Variants in HFM1 observed in about 807,000 individuals in gnomAD.
The protein encoded by HFM1 is helicase for meiosis 1.
A neutral mutation model predicts 192.1 loss-of-function variants in HFM1; 169 were observed. That is an observed-to-expected ratio of 0.88 (90% confidence interval 0.78 to 1.00). The LOEUF (loss-of-function observed/expected upper bound fraction) is 1.00, where lower values mean the gene tolerates loss of function less well. Ranked by LOEUF, HFM1 falls within the 50% of genes least tolerant of loss-of-function variation. HFM1 has a pLI of 0.00. For synonymous variants in HFM1, 525 were observed against 537.8 expected (o/e 0.98, Z 0.33); for missense variants, 1,661 against 1,668.0 (o/e 1.00, Z 0.07).
chr1:91,297,283 A>C (rs1647795210), intron 30 of HFM1, among the ~76,000 whole-genome samples: 1 of 152,192 alleles, frequency 6.6e-6, no homozygotes, highest in East Asian at 1.9e-4. Flanking sequence ...TAGGTAAACA[A>C]AGCAGCCGGG....
At chr1:91,297,944 T>A (rs1028713403) in intron 30 of HFM1, among the ~76,000 whole-genome samples, 5 of 152,278 alleles carry the variant, frequency 3.3e-5, no homozygotes, top group African/African-American at 1.2e-4. Context: ...GGACGGAGAA[T>A]GACTTTGATG....
chr1:91,360,517 C>T (rs1039513013), intron 13 of HFM1, among the ~76,000 whole-genome samples: 2 of 152,068 alleles, frequency 1.3e-5, no homozygotes. Context: ...ATATATGCAC[C>T]CAATACAGGA....
chr1:91,350,506 A>G (rs1240098869), intron 18 of HFM1, among the ~76,000 whole-genome samples: 2 of 152,138 alleles, frequency 1.3e-5, no homozygotes, highest in Non-Finnish European at 2.9e-5. Context: ...TTTTTCTACT[A>G]GATCTATTTT....
chr1:91,386,932 T>C (rs1350524693), intron 4 of HFM1, among the ~76,000 whole-genome samples: 5 of 152,160 alleles, frequency 3.3e-5, no homozygotes, highest in Non-Finnish European at 7.3e-5. Context: ...GATTAAATCA[T>C]CCCAAACACT....
chr1:91,374,654 G>C (rs1660686673), intron 13 of HFM1, among the ~76,000 whole-genome samples: 1 of 152,124 alleles, frequency 6.6e-6, no homozygotes, highest in South Asian at 2.1e-4. Context: ...CACTGGAGAA[G>C]GAGCTGGTCT....
chr1:91,292,058 A>C (rs1475443407), intron 30 of HFM1, among the ~76,000 whole-genome samples: 1 of 152,124 alleles, frequency 6.6e-6, no homozygotes, highest in East Asian at 1.9e-4. Context: ...ATCTCAAAAT[A>C]ATAACAGCTA....
rs1418821594 is a variant in HFM1 at position 91,260,964 on chromosome 1, A to G, written c.*326T>C. ...TTTTCTTCTTGTTAAGAAAATATAA[A>G]AATGAAATTTTACATTGGTTCTTGT... On this transcript the variant is annotated 3_prime_UTR_variant, in exon 39 of 39. Transcript: ENST00000370425. 1.2e-5 allele frequency: 2 copies of G among 168,848 alleles called. No homozygotes were observed. Among genetic ancestry groups the G allele is most frequent in the African/African-American group, 4.7e-5 (2 of 42,294 alleles). The allele number at this position is 168,848 out of a possible 1,614,324, so 10.5% of individuals were successfully genotyped here.
At chr1:91,347,252 CA>C (rs1385514828) in intron 19 of HFM1, among the ~76,000 whole-genome samples, 176 bp downstream of exon 19, 2 of 152,058 alleles carry the variant, frequency 1.3e-5, no homozygotes, top group South Asian at 2.1e-4. Flanking sequence ...ATTAATTCAG[CA>C]AAAAAGTATA....
At chr1:91,317,818 C>A (rs77716252) in intron 25 of HFM1, among the ~76,000 whole-genome samples, 16 of 151,750 alleles carry the variant, frequency 1.1e-4, no homozygotes, top group Admixed American at 5.9e-4. Context: ...TTATTTTTTT[C>A]AAGATGCCCA....
At chr1:91,382,509 A>C (rs72970360) in intron 6 of HFM1, among the ~76,000 whole-genome samples, 4,230 of 152,296 alleles carry the variant, frequency 0.028, 85 homozygotes, top group African/African-American at 0.041. Flanking sequence ...CAATTATTAC[A>C]TCAAGCAGTT....
intron 13 of HFM1, among the ~76,000 whole-genome samples, chr1:91,362,729 A>T (rs1343760947): frequency 1.3e-5 from 2 of 152,108 alleles, no homozygotes; most frequent in African/African-American, 2.4e-5. Context: ...AGCTGAGATG[A>T]TCCTAAGCAA....
chr1:91,279,876 G>GA (rs1442766030), intron 30 of HFM1, among the ~76,000 whole-genome samples: 4 of 151,768 alleles, frequency 2.6e-5, no homozygotes, highest in African/African-American at 4.8e-5. Context: ...TGTATTTACA[G>GA]AAAAAACATA....
upstream of HFM1, among the ~76,000 whole-genome samples, chr1:91,406,016 G>A (rs1318078746): frequency 6.6e-6 from 1 of 152,178 alleles, no homozygotes; most frequent in Non-Finnish European, 1.5e-5. Context: ...AACCCCCGAT[G>A]TGATGATATT....
intron 13 of HFM1, among the ~76,000 whole-genome samples, chr1:91,355,181 CT>C (rs1321592966): frequency 6.6e-6 from 1 of 151,994 alleles, no homozygotes; most frequent in Admixed American, 6.6e-5. Flanking sequence ...TTACGTAAGC[CT>C]TGTGGTAACT....
intron 20 of HFM1, among the ~76,000 whole-genome samples, chr1:91,342,779 A>C (rs1655537697): frequency 6.6e-6 from 1 of 152,212 alleles, no homozygotes; most frequent in Non-Finnish European, 1.5e-5. Flanking sequence ...TAACCACCAG[A>C]TTATCAATGG....
intron 18 of HFM1, among the ~76,000 whole-genome samples, chr1:91,348,758 AT>A (rs200056254): frequency 1.3e-4 from 19 of 149,750 alleles, no homozygotes; most frequent in African/African-American, 4.7e-4. Flanking sequence ...TGCCTCTACA[AT>A]TTTTTTTTTC....
chr1:91,337,001 G>T (rs1025023418), intron 20 of HFM1, among the ~76,000 whole-genome samples: 1 of 152,176 alleles, frequency 6.6e-6, no homozygotes, highest in Non-Finnish European at 1.5e-5. Context: ...AGCACCGCAT[G>T]TTCTCATTTA....
rs1191573506 is a variant in HFM1 at position 91,262,222 on chromosome 1, GTCTTTAAAGAGT to G, written c.4238+7_4238+18del. The G allele has an allele frequency of 1.1e-5, 13 of 1,171,676 alleles. No homozygotes were observed. The highest frequency in any genetic ancestry group is 5.8e-4 in the Middle Eastern group (2 of 3,470). 72.6% of individuals were successfully genotyped at this position (1,171,676 alleles called of 1,614,324 possible). On this transcript the variant is annotated splice_region_variant and intron_variant, in intron 38 of 38. Transcript: ENST00000370425. ...TTTTTTATTGATATAATCTTAAAGT[GTCTTTAAAGAGT>G]TCTTACCTGAAATCAACTTCCTTTT... is the stretch of plus-strand genomic sequence containing the variant.
intron 4 of HFM1, among the ~76,000 whole-genome samples, chr1:91,387,917 TA>T (rs573701612): frequency 0.15 from 14,115 of 97,166 alleles, 772 homozygotes; most frequent in Middle Eastern, 0.22. Flanking sequence ...AGAGTATAAT[TA>T]AAAAAAAAAA....
Sources: gnomAD v4.1 joint callset for allele counts (sites outside exome capture counted in the v4.1 genomes callset) on GRCh38, gnomAD v4.1.1 for gene constraint, MANE v1.5 for transcripts, NCBI Gene and HGNC (gene_info 2026-07-23, HGNC 2026-07-21) for gene names.